Variants in ASAP1 observed in about 807,000 individuals in gnomAD.
ASAP1 encodes the protein arf-GAP with SH3 domain, ANK repeat and PH domain-containing protein 1.
Under a neutral mutation model 145.2 loss-of-function variants are expected in ASAP1, and 43 were observed. The observed-to-expected ratio is 0.30, with a 90% confidence interval of 0.23 to 0.38. The LOEUF (loss-of-function observed/expected upper bound fraction) is 0.38, where lower values mean the gene tolerates loss of function less well. Ranked by LOEUF, ASAP1 falls within the 10% of genes least tolerant of loss-of-function variation. The probability of loss-of-function intolerance (pLI) is 1.00; values close to 1 mark genes in which losing one functional copy is unlikely to be tolerated. For missense variants in ASAP1, 1,018 were observed against 1,355.3 expected, an observed-to-expected ratio of 0.75 and a Z score of 3.91; for synonymous variants, 546 against 515.5, an observed-to-expected ratio of 1.06 and a Z score of -0.80.
chr8:130,430,244 G>A (rs550621243), intron 1 of ASAP1, among the ~76,000 whole-genome samples: 2 of 152,324 alleles, frequency 1.3e-5, no homozygotes, highest in African/African-American at 4.8e-5. Flanking sequence ...ACTACAGGAT[G>A]GGCAGTTTGC....
intron 4 of ASAP1, among the ~76,000 whole-genome samples, chr8:130,233,448 G>T (rs529657809): frequency 3.7e-4 from 56 of 152,208 alleles, no homozygotes; most frequent in African/African-American, 1.3e-3. Flanking sequence ...TATTTGCTAG[G>T]TATGGTACCC....
intron 3 of ASAP1, among the ~76,000 whole-genome samples, chr8:130,277,620 A>G (rs1478386963): frequency 6.6e-6 from 1 of 152,242 alleles, no homozygotes; most frequent in Non-Finnish European, 1.5e-5. Flanking sequence ...TAAATCTAAC[A>G]GGGCACCAAG....
chr8:130,374,297 TTTACTACGTA>T (rs1326146511), intron 2 of ASAP1, among the ~76,000 whole-genome samples: 1 of 152,218 alleles, frequency 6.6e-6, no homozygotes, highest in Non-Finnish European at 1.5e-5. Context: ...GAACTGAGAT[TTTACTACGTA>T]TGTGAATCTT....
At chr8:130,387,745 T>C (rs984225542) in intron 2 of ASAP1, among the ~76,000 whole-genome samples, 4 of 152,236 alleles carry the variant, frequency 2.6e-5, no homozygotes, top group Non-Finnish European at 1.5e-5. Context: ...GAAAGGATTC[T>C]ACAAATAACA....
Position 130,412,657 on chromosome 8 carries a change from C to T in ASAP1, c.-27-10687G>A, listed in dbSNP as rs892700370. 4.1e-5 allele frequency among the ~76,000 whole-genome samples: 6 copies of T among 145,732 alleles called. No individual in the cohort carries two copies. The East Asian group carries it at 9.9e-4, about 24-fold the overall frequency. On this transcript the variant is annotated intron_variant, in intron 1 of 29. Coordinates refer to ENST00000518721, the MANE Select transcript of ASAP1 (RefSeq NM_018482.4). ...AAATAACAATTTCTTTTCTTTTCTT[C>T]TTTTTTTTTTTTGAAATGGAGTCTT...
chr8:130,156,499 C>T (rs1318784251), intron 12 of ASAP1, among the ~76,000 whole-genome samples: 2 of 152,184 alleles, frequency 1.3e-5, no homozygotes, highest in Non-Finnish European at 2.9e-5. Flanking sequence ...TAGCAGGCTG[C>T]CTCATACACT....
chr8:130,402,396 G>A (rs1828836277), intron 1 of ASAP1, among the ~76,000 whole-genome samples: 1 of 152,170 alleles, frequency 6.6e-6, no homozygotes, highest in South Asian at 2.1e-4. Context: ...GCAGGAAGAA[G>A]GCAGATATAG....
At chr8:130,314,300 G>A (rs1823538485) in intron 3 of ASAP1, among the ~76,000 whole-genome samples, 1 of 152,146 alleles carries the variant, frequency 6.6e-6, no homozygotes, top group Non-Finnish European at 1.5e-5. Context: ...AAATGATGAG[G>A]AGGAGGAAGA....
At chr8:130,292,077 T>C (rs940132975) in intron 3 of ASAP1, among the ~76,000 whole-genome samples, 1 of 152,192 alleles carries the variant, frequency 6.6e-6, no homozygotes, top group Non-Finnish European at 1.5e-5. Flanking sequence ...ATTTGAGTTT[T>C]ATTTCCTACC....
chr8:130,242,287 CT>C lies in ASAP1; in HGVS notation c.187-5294del, dbSNP rs80098648. 6.5e-3 allele frequency among the ~76,000 whole-genome samples: 716 copies of C among 110,844 alleles called. 1 individual carries two copies. Among genetic ancestry groups the C allele is most frequent in the East Asian group, 0.018 (66 of 3,684 alleles). The allele number at this position is 110,844 out of a possible 152,430, so 72.7% of individuals were successfully genotyped here. A position where few individuals can be genotyped will look rare whatever the true frequency, so the allele number is the denominator to read the frequency against. On this transcript the variant is annotated intron_variant, in intron 3 of 29. Coordinates refer to ENST00000518721, the MANE Select transcript of ASAP1 (RefSeq NM_018482.4). ...AAAAAAAAAAAAAAAAAAAAAACAACTTTTTTTTTTTTTTAACTCACTTGGA... is the reference window on the plus strand; with the variant it reads ...AAAAAAAAAAAAAAAAAAAAAACAACTTTTTTTTTTTTTAACTCACTTGGA...
intron 1 of ASAP1, among the ~76,000 whole-genome samples, chr8:130,422,895 A>T (rs1829777219): frequency 1.3e-5 from 2 of 152,180 alleles, no homozygotes; most frequent in South Asian, 2.1e-4. Flanking sequence ...ATAAAGATGG[A>T]TCCGGAAACA....
chr8:130,290,045 G>A (rs958239577), intron 3 of ASAP1, among the ~76,000 whole-genome samples: 11 of 152,104 alleles, frequency 7.2e-5, no homozygotes, highest in African/African-American at 2.4e-4. Flanking sequence ...CCTGGTACTC[G>A]ACAGTTGGCA....
rs534091006 is a variant in ASAP1 at position 130,411,050 on chromosome 8, G to A, written c.-27-9080C>T. ...TAATTTTCGTATTTTGAGTAGAGAC[G>A]GGGTTTTGCCATGTTGGCCCAGGCT... On this transcript the variant is annotated intron_variant, in intron 1 of 29. Transcript: ENST00000518721. 1.2e-3 allele frequency among the ~76,000 whole-genome samples: 184 copies of A among 152,270 alleles called. 1 individual carries two copies. The highest frequency in any genetic ancestry group is 4.2e-3 in the African/African-American group (176 of 41,558).
intron 3 of ASAP1, among the ~76,000 whole-genome samples, chr8:130,320,376 CA>C (rs1823925320): frequency 6.6e-6 from 1 of 151,988 alleles, no homozygotes; most frequent in African/African-American, 2.4e-5. Context: ...AGCGACATGA[CA>C]AAACCCCATC....
At chr8:130,140,352 C>A (rs2097607572) in intron 13 of ASAP1, among the ~76,000 whole-genome samples, 1 of 151,416 alleles carries the variant, frequency 6.6e-6, no homozygotes, top group African/African-American at 2.4e-5. Context: ...TCATTTCTTT[C>A]TTTCTTTCTT....
intron 1 of ASAP1, among the ~76,000 whole-genome samples, chr8:130,439,078 G>C (rs1830408390): frequency 6.6e-6 from 1 of 152,190 alleles, no homozygotes; most frequent in African/African-American, 2.4e-5. Context: ...TGGCCCAGTG[G>C]AATCACTTTA....
At chr8:130,235,150 C>T (rs1009375846) in intron 4 of ASAP1, among the ~76,000 whole-genome samples, 3 of 152,050 alleles carry the variant, frequency 2.0e-5, no homozygotes, top group African/African-American at 7.2e-5. Context: ...AAACTCAGAC[C>T]TAGACTACTT....
At chr8:130,278,115 T>C (rs2137149057) in intron 3 of ASAP1, among the ~76,000 whole-genome samples, 1 of 151,158 alleles carries the variant, frequency 6.6e-6, no homozygotes, top group South Asian at 2.1e-4. Context: ...GTTATGTAAA[T>C]TAGTACCAAT....
intron 4 of ASAP1, among the ~76,000 whole-genome samples, chr8:130,226,615 C>A (rs1817604195): frequency 6.6e-6 from 1 of 152,096 alleles, no homozygotes; most frequent in Non-Finnish European, 1.5e-5. Flanking sequence ...AGAGTCTGGC[C>A]CCAGCCTCTG....
Sources: allele counts gnomAD v4.1 joint callset (sites outside exome capture counted in the v4.1 genomes callset), GRCh38; gene constraint gnomAD v4.1.1; transcripts MANE v1.5; gene names NCBI Gene and HGNC (gene_info 2026-07-23, HGNC 2026-07-21).